Variants in ZDHHC11 observed in about 807,000 individuals in gnomAD.
ZDHHC11 encodes the protein zDHHC palmitoyltransferase 11.
Under a neutral mutation model 51.3 loss-of-function variants are expected in ZDHHC11, and 44 were observed. The ratio of observed to expected loss-of-function variants is 0.86; its 90% confidence interval spans 0.67 to 1.10. The LOEUF is 1.10. Among genes scored for constraint, ZDHHC11 ranks in the 50% least tolerant of loss-of-function variants. ZDHHC11 has a pLI of 0.00. For synonymous variants in ZDHHC11, 163 were observed against 222.0 expected (o/e 0.73, Z 2.36); for missense variants, 400 against 537.7 (o/e 0.74, Z 2.53).
intron 3 of ZDHHC11, among the ~76,000 whole-genome samples, chr5:846,919 C>T (rs989432110): frequency 2.0e-5 from 3 of 151,552 alleles, no homozygotes; most frequent in Non-Finnish European, 3.0e-5. Flanking sequence ...CTCCACCGTG[C>T]TCAGGGGAAA....
At chr5:813,671 G>C (rs1740381189) in intron 11 of ZDHHC11, among the ~76,000 whole-genome samples, 1 of 150,328 alleles carries the variant, frequency 6.7e-6, no homozygotes, top group African/African-American at 2.5e-5. Context: ...AGACCCCAGA[G>C]GTCCTGGGCC....
Position 850,656 on chromosome 5 carries a change from C to G in ZDHHC11, c.-54G>C, listed in dbSNP as rs554822134. ...GCCGTCAGATCCTGGGAGGGCCGGC[C>G]CCGCCCACTGTCACAGAGACCAAGG... On this transcript the variant is annotated 5_prime_UTR_variant, in exon 1 of 13. Coordinates refer to ENST00000283441, the MANE Select transcript of ZDHHC11 (RefSeq NM_024786.3). 6.2e-5 allele frequency: 98 copies of G among 1,586,180 alleles called. No individual in the cohort carries two copies. The African/African-American group carries it at 1.2e-3, about 19-fold the overall frequency.
Position 850,909 on chromosome 5 carries a change from A to T in ZDHHC11, c.-307T>A. 2 of 438,016 alleles carry T rather than the reference A, an allele frequency of 4.6e-6. No individual in the cohort carries two copies. The highest frequency in any genetic ancestry group is 7.7e-6 in the Non-Finnish European group (2 of 258,756). The allele number at this position is 438,016 out of a possible 1,614,324, so 27.1% of individuals were successfully genotyped here. A position where few individuals can be genotyped will look rare whatever the true frequency, so the allele number is the denominator to read the frequency against. ...CCCAGTGCCCGCGCGACCGCCCATC[A>T]GTTCCCCTGAGGATTTGTTACGTTC... On this transcript the variant is annotated 5_prime_UTR_variant, in exon 1 of 13. Transcript: ENST00000283441.
intron 7 of ZDHHC11, among the ~76,000 whole-genome samples, chr5:825,907 G>A (rs1742300239): frequency 6.7e-6 from 1 of 150,108 alleles, no homozygotes; most frequent in African/African-American, 2.4e-5. Flanking sequence ...CTGCCCATGT[G>A]ACAACTTCAC....
intron 11 of ZDHHC11, among the ~76,000 whole-genome samples, chr5:801,929 T>G (rs1402542480): frequency 1.3e-5 from 2 of 151,592 alleles, no homozygotes; most frequent in East Asian, 1.9e-4. Context: ...GATATAAATG[T>G]ATCCATAAAT....
chr5:841,457 T>C (rs1283392005), intron 4 of ZDHHC11: 2 of 976,694 alleles, frequency 2.0e-6, no homozygotes, highest in Non-Finnish European at 1.2e-6. Flanking sequence ...GGGGTCACAG[T>C]GCCCACCCCT....
intron 11 of ZDHHC11, among the ~76,000 whole-genome samples, chr5:806,948 G>C (rs1485738316): frequency 1.3e-5 from 2 of 151,116 alleles, no homozygotes; most frequent in Non-Finnish European, 1.5e-5. Context: ...TTATCTCTGA[G>C]AGCTGGACAT....
chr5:828,964 T>C (rs1373758700), intron 7 of ZDHHC11, among the ~76,000 whole-genome samples: 2 of 129,026 alleles, frequency 1.6e-5, no homozygotes, highest in Admixed American at 8.0e-5. Flanking sequence ...AACTGTGGCA[T>C]GACTTATCAA....
chr5:820,071 G>T (rs569732481), intron 9 of ZDHHC11, among the ~76,000 whole-genome samples: 1 of 151,396 alleles, frequency 6.6e-6, no homozygotes, highest in Non-Finnish European at 1.5e-5. Context: ...TATACATGTC[G>T]ATTTGGCAAT....
At chr5:858,305 CAA>C (rs879896959) in intron 1 of ZDHHC11, among the ~76,000 whole-genome samples, 9,543 of 137,042 alleles carry the variant, frequency 0.07, 299 homozygotes, top group Admixed American at 0.13. Flanking sequence ...GTCCAGGTCC[CAA>C]CCCTGTCTTT....
intron 10 of ZDHHC11, among the ~76,000 whole-genome samples, chr5:815,203 A>G (rs67378257): frequency 0.22 from 33,175 of 150,776 alleles, 5,419 homozygotes; most frequent in African/African-American, 0.47. Context: ...ACAGGTGGCC[A>G]TCTACAAGGC....
Position 850,568 on chromosome 5 carries a change from G to A in ZDHHC11, c.35C>T (p.Thr12Ile), listed in dbSNP as rs781320206. The change falls in exon 1 of 13, where the codon ACC becomes ATC. Residue 12 changes from threonine (T) to isoleucine (I), a missense_variant. This residue lies in a region of ZDHHC11 where 119 missense variants were observed against 99.6 expected (regional missense o/e 1.20). Coordinates refer to ENST00000283441, the MANE Select transcript of ZDHHC11 (RefSeq NM_024786.3). Reference protein sequence around the residue: ...DTRSGSQCSVTPEAILNNEKL... With the variant: ...DTRSGSQCSVIPEAILNNEKL... ...TTCATTATTGAGTATGGCTTCTGGG[G>A]TGACGGAACACTGGCTCCCGGAGCG... is the stretch of plus-strand genomic sequence containing the variant. 1 of 1,613,572 alleles carries A rather than the reference G, an allele frequency of 6.2e-7. No homozygotes were observed.
At chr5:807,990 G>A (rs1419001532) in intron 11 of ZDHHC11, among the ~76,000 whole-genome samples, 2 of 151,056 alleles carry the variant, frequency 1.3e-5, no homozygotes, top group Admixed American at 6.6e-5. Flanking sequence ...CACAGGCGGG[G>A]TCTGGGGGTG....
In ZDHHC11 at chr5:837,439, G is replaced by A. The variant is rs141187026; in HGVS notation, c.826C>T (p.Arg276Cys). 76 of 1,611,252 alleles carry A rather than the reference G, an allele frequency of 4.7e-5. No individual in the cohort carries two copies. In the East Asian group the frequency reaches 6.0e-4, roughly 13 times the overall value. The change falls in exon 6 of 13, where the codon CGC becomes TGC. Residue 276 changes from arginine to cysteine, a missense_variant. This residue lies in a region of ZDHHC11 where 231 missense variants were observed against 227.4 expected (regional missense o/e 1.02). Transcript: ENST00000283441. Reference sequence around the variant, plus strand: ...TGATGTTTTGAACTCTCTTCTTTGCGGTTATTAATGAGATACTCAAAGGTG... The same window carrying A: ...TGATGTTTTGAACTCTCTTCTTTGCAGTTATTAATGAGATACTCAAAGGTG... ...MTTFEYLINN[R>C]KEESSKHQAV...
intron 3 of ZDHHC11, among the ~76,000 whole-genome samples, chr5:847,078 G>GC (rs1420075797): frequency 9.5e-6 from 1 of 105,760 alleles, no homozygotes; most frequent in African/African-American, 5.6e-5. Context: ...ACCGTGCTCA[G>GC]GGAAACACCT....
intron 11 of ZDHHC11, among the ~76,000 whole-genome samples, chr5:806,020 G>C (rs1415621411): frequency 6.6e-6 from 1 of 151,252 alleles, no homozygotes; most frequent in Admixed American, 6.6e-5. Flanking sequence ...AGGGTCTGAC[G>C]TCAGGACACC....
rs530138655 is a variant in ZDHHC11, at chr5:834,624, C to G, written c.901-817G>C. 4.6e-5 allele frequency among the ~76,000 whole-genome samples: 7 copies of G among 152,420 alleles called. No individual in the cohort carries two copies. In the East Asian group the frequency reaches 1.3e-3, roughly 29 times the overall value. On this transcript the variant is annotated intron_variant, in intron 6 of 12. Coordinates refer to ENST00000283441, the MANE Select transcript of ZDHHC11 (RefSeq NM_024786.3). ...ATATTTTGTTTGCCTGTGGCTTGCACAGGAATGAACACCTGGCTTTATTGT... is the reference window on the plus strand; with the variant it reads ...ATATTTTGTTTGCCTGTGGCTTGCAGAGGAATGAACACCTGGCTTTATTGT...
intron 7 of ZDHHC11, among the ~76,000 whole-genome samples, chr5:831,732 A>G (rs2150362367): frequency 6.6e-6 from 1 of 150,842 alleles, no homozygotes; most frequent in East Asian, 2.0e-4. Flanking sequence ...AATGCAAATA[A>G]AATCCACAAT....
chr5:802,924 G>A (rs548759733), intron 11 of ZDHHC11, among the ~76,000 whole-genome samples: 5 of 140,456 alleles, frequency 3.6e-5, no homozygotes, highest in Non-Finnish European at 6.2e-5. Context: ...GGGAGGCTGA[G>A]GCAGGAGAAT....
Sources: gnomAD v4.1 joint callset for allele counts (sites outside exome capture counted in the v4.1 genomes callset) on GRCh38, gnomAD v4.1.1 for gene constraint, gnomAD v4.1.1 regional missense constraint, MANE v1.5 for transcripts, NCBI Gene and HGNC (gene_info 2026-07-23, HGNC 2026-07-21) for gene names.